CTNS: variants seen among roughly 807,000 people sequenced by gnomAD.
CTNS encodes the protein cystinosin.
A neutral mutation model predicts 43.7 loss-of-function variants in CTNS; 27 were observed. The observed-to-expected ratio is 0.62, with a 90% CI of 0.46 to 0.85. The LOEUF (loss-of-function observed/expected upper bound fraction) is 0.85. CTNS is among the 40% of genes least tolerant of loss of function. The pLI is 0.00. For synonymous variants in CTNS, 187 were observed against 190.6 expected (o/e 0.98, Z 0.16); for missense variants, 457 against 475.4 (o/e 0.96, Z 0.36).
At chr17:3,640,406 C>G in intron 3 of CTNS, 139 bp downstream of exon 3, 2 of 983,436 alleles carry the variant, frequency 2.0e-6, no homozygotes, top group Non-Finnish European at 3.3e-6. Flanking sequence ...CATGTGGCCA[C>G]TGGGGTGGTG....
rs1183416373 is a variant in CTNS, at chr17:3,636,772, G to C, written c.-289G>C. The C allele has an allele frequency of 2.6e-5, 4 of 152,684 alleles. No individual in the cohort carries two copies. The highest frequency in any genetic ancestry group is 2.0e-4 in the South Asian group (1 of 5,088). The allele number at this position is 152,684 out of a possible 1,614,324, so 9.5% of individuals were successfully genotyped here. ...AGGGGAACGCGGTGCATTCCTGACC[G>C]GCACCTGGCGAGGCTCATGCGTCCC... is the stretch of plus-strand genomic sequence containing the variant. On this transcript the variant is annotated 5_prime_UTR_variant, in exon 1 of 12. Transcript: ENST00000046640.
rs575889577 is a variant in CTNS at position 3,643,846 on chromosome 17, C to T, written c.61+3579C>T. Among the ~76,000 whole-genome samples the T allele has an allele frequency of 1.4e-4, 22 of 152,282 alleles. No individual in the cohort carries two copies. The South Asian group carries it at 2.1e-3, about 14-fold the overall frequency. On this transcript the variant is annotated intron_variant, in intron 3 of 11. Transcript: ENST00000046640. ...CCTCCCAAAGTGCTGGGATTACAGG[C>T]GTGAGCCACCGCACCCGGCCAAAAA...
chr17:3,655,574 G>T, intron 7 of CTNS: 85 of 452,390 alleles, frequency 1.9e-4, no homozygotes, highest in East Asian at 3.6e-4. Context: ...GGGAAAGCAG[G>T]AAAACAGGGA....
chr17:3,654,929 G>A lies in CTNS; in HGVS notation c.226-69G>A, dbSNP rs1315261600. 3.6e-6 allele frequency: 4 copies of A among 1,095,906 alleles called. No individual in the cohort carries two copies. The South Asian group carries it at 3.7e-5, about 10-fold the overall frequency. 67.9% of individuals were successfully genotyped at this position (1,095,906 alleles called of 1,614,324 possible). A position where few individuals can be genotyped will look rare whatever the true frequency, so the allele number is the denominator to read the frequency against. ...CCTCCGTTCCCTAGCGTGTTGCATAGAGCTAGATGCCAGCGGGGTCCTCGG... is the reference window on the plus strand; with the variant it reads ...CCTCCGTTCCCTAGCGTGTTGCATAAAGCTAGATGCCAGCGGGGTCCTCGG... On this transcript the variant is annotated intron_variant, in intron 5 of 11. Transcript: ENST00000046640.
chr17:3,659,623 G>C (rs1025411548), intron 10 of CTNS, among the ~76,000 whole-genome samples: 1 of 152,226 alleles, frequency 6.6e-6, no homozygotes, highest in African/African-American at 2.4e-5. Flanking sequence ...GTGAGGTGTG[G>C]GGGGTGCGGG....
In CTNS at chr17:3,660,466, C is replaced by T. The variant is rs2076258985; in HGVS notation, c.*97C>T. ...GGAGAAGCGGTTGGGCCCTGGCACA[C>T]AGGGCTGGCTCAGTGTGCGGACAGA... On this transcript the variant is annotated 3_prime_UTR_variant, in exon 12 of 12. Coordinates refer to ENST00000046640, the MANE Select transcript of CTNS (RefSeq NM_004937.3). The T allele has an allele frequency of 1.2e-6, 2 of 1,613,134 alleles. No individual in the cohort carries two copies. Among genetic ancestry groups the T allele is most frequent in the Non-Finnish European group, 8.5e-7 (1 of 1,180,020 alleles).
chr17:3,648,788 G>C, intron 4 of CTNS, 59 bp from the exon 5 acceptor site: 3 of 1,355,180 alleles, frequency 2.2e-6, no homozygotes, highest in South Asian at 1.2e-5. Flanking sequence ...AATCCAGAGG[G>C]TTGGTTGAGA....
chr17:3,657,882 C>A (rs1473374105), intron 9 of CTNS, 123 bp from the exon 10 acceptor site: 29 of 1,085,136 alleles, frequency 2.7e-5, no homozygotes, highest in Non-Finnish European at 1.4e-5. Flanking sequence ...TGCAGGGGCT[C>A]CTTCAAGGCC....
chr17:3,647,710 C>G (rs2075877762), intron 4 of CTNS, 188 bp downstream of exon 4: 1 of 634,550 alleles, frequency 1.6e-6, no homozygotes, highest in South Asian at 1.8e-5. Flanking sequence ...GGCTGACCCC[C>G]ACCCTGAGTC....
intron 3 of CTNS, 104 bp downstream of exon 3, chr17:3,640,371 C>A: frequency 8.0e-7 from 1 of 1,256,164 alleles, no homozygotes; most frequent in Non-Finnish European, 1.2e-6. Flanking sequence ...TCATTCAGAC[C>A]ACATGTCTCT....
chr17:3,657,296 G>A (rs1173014305), intron 9 of CTNS, among the ~76,000 whole-genome samples: 2 of 152,188 alleles, frequency 1.3e-5, no homozygotes, highest in Non-Finnish European at 2.9e-5. Flanking sequence ...GGTGCCAGGA[G>A]GGGGCCCGCG....
intron 6 of CTNS, 52 bp downstream of exon 6, chr17:3,655,153 CTGGGCACGTG>C (rs2076096904): frequency 6.2e-7 from 1 of 1,613,980 alleles, no homozygotes; most frequent in African/African-American, 1.3e-5. Flanking sequence ...GGGGGCCGTG[CTGGGCACGTG>C]GGAGTCTCCT....
chr17:3,644,905 A>G (rs57689633), intron 3 of CTNS, among the ~76,000 whole-genome samples: 15,308 of 152,134 alleles, frequency 0.1, 2,574 homozygotes, highest in African/African-American at 0.35. Flanking sequence ...CCGGCCCTCA[A>G]CCTCCTATAT....
At chr17:3,641,917 C>G (rs1317058437) in intron 3 of CTNS, among the ~76,000 whole-genome samples, 1 of 152,094 alleles carries the variant, frequency 6.6e-6, no homozygotes, top group East Asian at 1.9e-4. Flanking sequence ...GACCCTGGAA[C>G]CTGGTGTTTC....
chr17:3,657,454 C>T (rs1406878173), intron 9 of CTNS, among the ~76,000 whole-genome samples: 1 of 152,218 alleles, frequency 6.6e-6, no homozygotes, highest in African/African-American at 2.4e-5. Context: ...ACTGTAAGGC[C>T]AGCTGGGGGC....
chr17:3,655,123 C>T (rs459613), intron 6 of CTNS, 22 bp downstream of exon 6: 1 of 1,613,700 alleles, frequency 6.2e-7, no homozygotes, highest in African/African-American at 1.3e-5. Context: ...TCAGGGTGTG[C>T]GGGCCTCACG....
intron 9 of CTNS, 33 bp from the exon 10 acceptor site, chr17:3,657,972 G>T: frequency 6.2e-7 from 1 of 1,603,382 alleles, no homozygotes; most frequent in South Asian, 1.1e-5. Flanking sequence ...GCCTCTGTGT[G>T]GGTCCACATC....
At chr17:3,659,824 G>T in intron 10 of CTNS, 34 bp from the exon 11 acceptor site, 1 of 1,545,330 alleles carries the variant, frequency 6.5e-7, no homozygotes. Context: ...AGCCCTCACC[G>T]CCCTCCGTCT....
rs974581158 is a variant in CTNS at position 3,650,588 on chromosome 17, G to A, written c.225+1657G>A. On this transcript the variant is annotated intron_variant, in intron 5 of 11. Coordinates refer to ENST00000046640, the MANE Select transcript of CTNS (RefSeq NM_004937.3). ...CCCCGCATGAGAGGGAGCTCTCCCC[G>A]CTGGTGAGCACCTTGTTAGTGCCAT... The A allele has an allele frequency of 1.3e-5, 4 of 305,548 alleles. No homozygotes were observed. The East Asian group carries it at 2.6e-4, about 20-fold the overall frequency. The allele number at this position is 305,548 out of a possible 1,614,324, so 18.9% of individuals were successfully genotyped here.
Sources: gnomAD v4.1 joint callset for allele counts (sites outside exome capture counted in the v4.1 genomes callset) on GRCh38, gnomAD v4.1.1 for gene constraint, MANE v1.5 for transcripts, NCBI Gene and HGNC (gene_info 2026-07-23, HGNC 2026-07-21) for gene names.